The following DLC1 variants were observed in gnomAD, a reference collection of about 807,000 sequenced individuals.
The protein encoded by DLC1 is DLC1 Rho GTPase activating protein, also known as rho GTPase-activating protein 7.
In DLC1, 54 loss-of-function variants were observed where a neutral mutation model predicts 140.3. The observed-to-expected ratio is 0.38, with a 90% CI of 0.31 to 0.48. The LOEUF (loss-of-function observed/expected upper bound fraction) is 0.48. DLC1 is among the 20% of genes least tolerant of loss of function. The probability of loss-of-function intolerance (pLI) is 0.96; values close to 1 mark genes in which losing one functional copy is unlikely to be tolerated. For synonymous variants in DLC1, 986 were observed against 728.1 expected (o/e 1.35, Z -5.70); for missense variants, 2,536 against 1,907.0 (o/e 1.33, Z -6.14).
chr8:13,152,971 A>C (rs1823945120), intron 5 of DLC1, among the ~76,000 whole-genome samples: 1 of 152,150 alleles, frequency 6.6e-6, no homozygotes, highest in Non-Finnish European at 1.5e-5. Context: ...AACAGACTTT[A>C]AGGTATATTT....
intron 8 of DLC1, 153 bp from the exon 9 acceptor site, chr8:13,100,923 TAAAA>T: frequency 8.4e-6 from 6 of 716,730 alleles, no homozygotes; most frequent in Non-Finnish European, 1.2e-5. Flanking sequence ...TTTTTTTTTT[TAAAA>T]ATAGGGTCTC....
chr8:13,469,186 G>A (rs999479545), intron 2 of DLC1, among the ~76,000 whole-genome samples: 2 of 152,054 alleles, frequency 1.3e-5, no homozygotes, highest in African/African-American at 4.8e-5. Context: ...TTTTAATTGA[G>A]TTTATATCAT....
intron 1 of DLC1, among the ~76,000 whole-genome samples, chr8:13,580,120 C>CTTTTTTTTT (rs1805032488): frequency 4.1e-4 from 3 of 7,342 alleles, no homozygotes; most frequent in South Asian, 0.026. Context: ...AAGTTGGTTA[C>CTTTTTTTTT]ATTTATTTTT....
At chr8:13,154,744 G>T (rs1253843649) in intron 5 of DLC1, among the ~76,000 whole-genome samples, 1 of 151,992 alleles carries the variant, frequency 6.6e-6, no homozygotes, top group Non-Finnish European at 1.5e-5. Flanking sequence ...CTAGCATGTT[G>T]TCACCTCTCA....
intron 5 of DLC1, among the ~76,000 whole-genome samples, chr8:13,159,162 A>G (rs1824496917): frequency 6.6e-6 from 1 of 152,142 alleles, no homozygotes. Context: ...TCTAAATCAA[A>G]TACCAGTACG....
intron 5 of DLC1, among the ~76,000 whole-genome samples, chr8:13,198,281 C>T (rs1477306638): frequency 2.0e-5 from 3 of 152,142 alleles, no homozygotes; most frequent in Non-Finnish European, 4.4e-5. Flanking sequence ...ATTTCCCAAA[C>T]TCATATGAGT....
chr8:13,332,394 G>A (rs986215689), intron 4 of DLC1, among the ~76,000 whole-genome samples: 38 of 151,006 alleles, frequency 2.5e-4, no homozygotes, highest in Non-Finnish European at 3.1e-4. Flanking sequence ...GGTAGCTGCT[G>A]GAAACACTGA....
chr8:13,247,241 A>T (rs185387798), intron 5 of DLC1, among the ~76,000 whole-genome samples: 1 of 152,346 alleles, frequency 6.6e-6, no homozygotes, highest in East Asian at 1.9e-4. Flanking sequence ...AACTTCAGAC[A>T]CTGCCAGACA....
At chr8:13,411,971 TAA>T (rs1837802188) in intron 2 of DLC1, among the ~76,000 whole-genome samples, 3 of 152,170 alleles carry the variant, frequency 2.0e-5, no homozygotes, top group Non-Finnish European at 4.4e-5. Flanking sequence ...GTCAAAATTG[TAA>T]AATCTTTTTT....
chr8:13,427,796 C>A (rs1217730782), intron 2 of DLC1, among the ~76,000 whole-genome samples: 1 of 152,204 alleles, frequency 6.6e-6, no homozygotes, highest in Non-Finnish European at 1.5e-5. Flanking sequence ...ACATTGCATG[C>A]TTTTATTCTG....
At chr8:13,114,460 T>C (rs1402707555) in intron 6 of DLC1, among the ~76,000 whole-genome samples, 1 of 151,918 alleles carries the variant, frequency 6.6e-6, no homozygotes, top group Non-Finnish European at 1.5e-5. Context: ...ATGACCTCAG[T>C]ATCCAAGCAA....
chr8:13,551,075 C>CACACACACACACTTT (rs71207163), intron 1 of DLC1, among the ~76,000 whole-genome samples: 79 of 121,676 alleles, frequency 6.5e-4, no homozygotes, highest in Middle Eastern at 9.3e-3. Flanking sequence ...CACACACACA[C>CACACACACACACTTT]TTTTTTTTTT....
chr8:13,110,101 A>G (rs186781040), intron 7 of DLC1, among the ~76,000 whole-genome samples: 18 of 152,312 alleles, frequency 1.2e-4, no homozygotes, highest in Admixed American at 5.2e-4. Flanking sequence ...GAAGAGCTTG[A>G]AAGGATTATC....
At chr8:13,437,071 C>T (rs1256351747) in intron 2 of DLC1, among the ~76,000 whole-genome samples, 1 of 152,188 alleles carries the variant, frequency 6.6e-6, no homozygotes, top group Non-Finnish European at 1.5e-5. Flanking sequence ...AATCTGATGG[C>T]CCAATGAACT....
chr8:13,102,803 G>T lies in DLC1; in HGVS notation c.1553C>A (p.Pro518His). 6.2e-7 allele frequency: 1 copy of T among 1,613,908 alleles called. No homozygotes were observed. Among genetic ancestry groups the T allele is most frequent in the Non-Finnish European group, 8.5e-7 (1 of 1,179,902 alleles). Residue 518 changes from proline to histidine, a missense_variant, in exon 8 of 18, where the codon CCT becomes CAT. Physicochemically the swap from Pro to His is moderately conservative, Grantham distance 77 (BLOSUM62 -2). Coordinates refer to ENST00000276297, the MANE Select transcript of DLC1 (RefSeq NM_182643.3). ...TTGTATACTCACTCGTTTCCGATGA[G>T]GACTAATTTCTAGCTTCATCACCGC... is the stretch of plus-strand genomic sequence containing the variant. ...KCAVMKLEIS[P>H]HRKRSDDSDE...
intron 1 of DLC1, among the ~76,000 whole-genome samples, chr8:13,511,732 C>T (rs1167920328): frequency 3.9e-5 from 6 of 152,122 alleles, no homozygotes; most frequent in Non-Finnish European, 2.9e-5. Context: ...CAATTCTTGA[C>T]ATGTCTCTAT....
intron 5 of DLC1, among the ~76,000 whole-genome samples, chr8:13,291,325 C>G (rs1336788678): frequency 8.5e-5 from 13 of 152,190 alleles, no homozygotes; most frequent in Admixed American, 8.5e-4. Context: ...ATAGAGAATT[C>G]AGTGAAATCA....
chr8:13,315,123 C>T (rs1261298600), intron 4 of DLC1, among the ~76,000 whole-genome samples: 1 of 152,110 alleles, frequency 6.6e-6, no homozygotes, highest in East Asian at 1.9e-4. Context: ...ACTAACAGAA[C>T]CTGATGAATG....
At chr8:13,152,124 C>G (rs1324773169) in intron 5 of DLC1, among the ~76,000 whole-genome samples, 2 of 152,174 alleles carry the variant, frequency 1.3e-5, no homozygotes, top group African/African-American at 2.4e-5. Context: ...CACAACTGTA[C>G]TTGTAAGTTT....
Sources: gnomAD v4.1 joint callset for allele counts (sites outside exome capture counted in the v4.1 genomes callset) on GRCh38, gnomAD v4.1.1 for gene constraint, MANE v1.5 for transcripts, NCBI Gene and HGNC (gene_info 2026-07-23, HGNC 2026-07-21) for gene names.